Variants in RPH3A observed in about 807,000 individuals in gnomAD.
The protein encoded by RPH3A is rabphilin-3A.
In RPH3A, 48 loss-of-function variants were observed where a neutral mutation model predicts 102.2. That is an observed-to-expected ratio of 0.47 (90% confidence interval 0.37 to 0.60). The LOEUF (loss-of-function observed/expected upper bound fraction) is 0.60. RPH3A is among the 20% of genes least tolerant of loss of function. The pLI is 0.00. For missense variants in RPH3A, 781 were observed against 910.1 expected, an observed-to-expected ratio of 0.86 and a Z score of 1.83; for synonymous variants, 310 against 324.3, an observed-to-expected ratio of 0.96 and a Z score of 0.47.
At chr12:112,632,268 C>G (rs1280290974) in intron 1 of RPH3A, among the ~76,000 whole-genome samples, 2 of 152,138 alleles carry the variant, frequency 1.3e-5, no homozygotes, top group African/African-American at 4.8e-5. Context: ...ATTGCCCAGT[C>G]TCAGGTATGT....
chr12:112,681,366 AAC>A (rs2040224939), intron 1 of RPH3A, among the ~76,000 whole-genome samples: 1 of 152,198 alleles, frequency 6.6e-6, no homozygotes, highest in South Asian at 2.1e-4. Context: ...AAGAAGCTGA[AAC>A]ACACACATCG....
At chr12:112,878,569 G>A (rs1196078608) in intron 13 of RPH3A, among the ~76,000 whole-genome samples, 4 of 152,216 alleles carry the variant, frequency 2.6e-5, no homozygotes, top group Non-Finnish European at 5.9e-5. Context: ...TTCATTTCGA[G>A]TGGAGACAGA....
chr12:112,660,817 A>G (rs754760623), intron 1 of RPH3A, among the ~76,000 whole-genome samples: 17 of 152,198 alleles, frequency 1.1e-4, no homozygotes, highest in Non-Finnish European at 2.5e-4. Flanking sequence ...AAATCTATGA[A>G]GTCTAGTTCC....
At chr12:112,770,286 TTTTA>T (rs145575659) in intron 1 of RPH3A, among the ~76,000 whole-genome samples, 36,591 of 151,470 alleles carry the variant, frequency 0.24, 5,273 homozygotes, top group African/African-American at 0.39. Context: ...TCTGTCATTC[TTTTA>T]TTTATTTATT....
At chr12:112,673,180 C>T (rs1055393171) in intron 1 of RPH3A, among the ~76,000 whole-genome samples, 4 of 152,142 alleles carry the variant, frequency 2.6e-5, no homozygotes, top group East Asian at 3.9e-4. Flanking sequence ...GAACCAATCT[C>T]GGGCGATAAA....
chr12:112,831,912 G>T, intron 3 of RPH3A: 2 of 409,440 alleles, frequency 4.9e-6, no homozygotes, highest in African/African-American at 2.1e-5. Flanking sequence ...ATTTCTTATT[G>T]CTTTTTTCTA....
At chr12:112,785,415 G>A (rs2041042270) in intron 1 of RPH3A, among the ~76,000 whole-genome samples, 1 of 151,986 alleles carries the variant, frequency 6.6e-6, no homozygotes, top group Admixed American at 6.5e-5. Flanking sequence ...TTTCTAATGT[G>A]CTTTAAAGTA....
chr12:112,806,555 G>A (rs1398785985), intron 2 of RPH3A, among the ~76,000 whole-genome samples: 2 of 152,084 alleles, frequency 1.3e-5, no homozygotes, highest in African/African-American at 4.8e-5. Flanking sequence ...CTTAAACCTG[G>A]GAGGTGGAGG....
At chr12:112,652,589 T>C (rs1167900627) in intron 1 of RPH3A, among the ~76,000 whole-genome samples, 1 of 152,232 alleles carries the variant, frequency 6.6e-6, no homozygotes, top group Non-Finnish European at 1.5e-5. Context: ...ACAGAGGCTC[T>C]GATCTTGGAG....
At chr12:112,631,995 A>G (rs907531864) in intron 1 of RPH3A, among the ~76,000 whole-genome samples, 1 of 152,158 alleles carries the variant, frequency 6.6e-6, no homozygotes, top group African/African-American at 2.4e-5. Context: ...AACTCCCACA[A>G]TTTCCACATG....
In RPH3A at chr12:112,890,960, G is replaced by T. The variant is rs1180526816; in HGVS notation, c.1732G>T (p.Ala578Ser). 1 of 1,614,172 alleles carries T rather than the reference G, an allele frequency of 6.2e-7. No individual in the cohort carries two copies. Among genetic ancestry groups the T allele is most frequent in the Non-Finnish European group, 8.5e-7 (1 of 1,180,028 alleles). The change falls in exon 19 of 22, where the codon GCT becomes TCT. Residue 578 changes from alanine to serine, a missense_variant. Coordinates refer to ENST00000389385, the MANE Select transcript of RPH3A (RefSeq NM_001143854.2). ...IVGIIRCVHL[A>S]AMDANGYSDP... ...GGGCATCATACGCTGCGTGCACCTG[G>T]CTGCCATGGACGCTAATGGCTACTC...
At chr12:112,582,020 A>G (rs2039404526) in intron 1 of RPH3A, among the ~76,000 whole-genome samples, 1 of 147,688 alleles carries the variant, frequency 6.8e-6, no homozygotes, top group African/African-American at 2.5e-5. Flanking sequence ...AAGAGGGAAA[A>G]CTCATTAAAC....
chr12:112,788,965 C>T (rs1275581435), upstream of RPH3A, among the ~76,000 whole-genome samples: 1 of 152,122 alleles, frequency 6.6e-6, no homozygotes, highest in Non-Finnish European at 1.5e-5. Context: ...TCGAGACCAG[C>T]CTGACCAACA....
intron 1 of RPH3A, among the ~76,000 whole-genome samples, chr12:112,621,333 G>T (rs1332641574): frequency 6.7e-6 from 1 of 150,340 alleles, no homozygotes; most frequent in Non-Finnish European, 1.5e-5. Context: ...GACAGTGGGC[G>T]CAGGCCAGTG....
chr12:112,822,661 C>T (rs1310334436), intron 2 of RPH3A, among the ~76,000 whole-genome samples: 1 of 152,136 alleles, frequency 6.6e-6, no homozygotes, highest in Non-Finnish European at 1.5e-5. Flanking sequence ...TCAGATTCAT[C>T]CAGCTATCCA....
intron 1 of RPH3A, among the ~76,000 whole-genome samples, chr12:112,721,975 C>T (rs192040384): frequency 5.3e-5 from 8 of 152,304 alleles, no homozygotes; most frequent in Non-Finnish European, 1.0e-4. Context: ...ATCTCCCTTT[C>T]CCCAAACTCT....
chr12:112,586,197 A>G (rs7973575), intron 1 of RPH3A, among the ~76,000 whole-genome samples: 12,269 of 152,240 alleles, frequency 0.081, 1,477 homozygotes, highest in African/African-American at 0.26. Context: ...TTGTATTAAT[A>G]AAGCCACTAT....
intron 10 of RPH3A, among the ~76,000 whole-genome samples, chr12:112,872,922 G>A (rs779914894): frequency 2.0e-5 from 3 of 152,306 alleles, no homozygotes; most frequent in African/African-American, 7.2e-5. Flanking sequence ...CCAGGGTGGT[G>A]AGACGCAGCC....
intron 15 of RPH3A, 65 bp from the exon 16 acceptor site, chr12:112,883,228 G>T (rs1461624283): frequency 1.6e-6 from 2 of 1,287,800 alleles, no homozygotes; most frequent in South Asian, 1.2e-5. Context: ...CAGCCCAAAC[G>T]ATGGGGTTCC....
Sources: gnomAD v4.1 joint callset for allele counts (sites outside exome capture counted in the v4.1 genomes callset) on GRCh38, gnomAD v4.1.1 for gene constraint, MANE v1.5 for transcripts, NCBI Gene and HGNC (gene_info 2026-07-23, HGNC 2026-07-21) for gene names.